The following RIMS2 variants were observed in gnomAD, a reference collection of about 807,000 sequenced individuals.
RIMS2 encodes the protein regulating synaptic membrane exocytosis 2, also known as regulating synaptic membrane exocytosis protein 2.
RIMS2 carries 59 observed loss-of-function variants against 174.4 expected under a neutral mutation model. The ratio of observed to expected loss-of-function variants is 0.34; its 90% CI spans 0.27 to 0.42. The LOEUF is 0.42. Among genes scored for constraint, RIMS2 ranks in the 10% least tolerant of loss-of-function variants. RIMS2 has a pLI of 1.00. For synonymous variants in RIMS2, 606 were observed against 572.5 expected (o/e 1.06, Z -0.84); for missense variants, 1,620 against 1,666.3 (o/e 0.97, Z 0.48).
At chr8:103,913,205 C>G (rs1045504356) in intron 6 of RIMS2, among the ~76,000 whole-genome samples, 3 of 151,142 alleles carry the variant, frequency 2.0e-5, no homozygotes, top group Non-Finnish European at 2.9e-5. Flanking sequence ...ATCTTGATCT[C>G]TTGACCTTGT....
chr8:104,040,342 A>T (rs1490511290), intron 19 of RIMS2, among the ~76,000 whole-genome samples: 1 of 151,636 alleles, frequency 6.6e-6, no homozygotes, highest in Non-Finnish European at 1.5e-5. Flanking sequence ...GTTTTGTGGC[A>T]TATTGTTCAT....
chr8:103,720,841 C>CT (rs1482395617), intron 2 of RIMS2, among the ~76,000 whole-genome samples: 1 of 152,144 alleles, frequency 6.6e-6, no homozygotes, highest in Non-Finnish European at 1.5e-5. Flanking sequence ...ATTATACATT[C>CT]TAAGTTTAGA....
intron 2 of RIMS2, among the ~76,000 whole-genome samples, chr8:103,731,226 C>T (rs2097589545): frequency 1.3e-5 from 2 of 152,176 alleles, no homozygotes; most frequent in South Asian, 4.2e-4. Flanking sequence ...AGTGGATGCA[C>T]TGTTCAAGGA....
chr8:103,627,292 C>T (rs1161985052), intron 1 of RIMS2, among the ~76,000 whole-genome samples: 1 of 152,216 alleles, frequency 6.6e-6, no homozygotes, highest in East Asian at 1.9e-4. Context: ...GGCAGTCAGA[C>T]TTTCTGGTTA....
At chr8:104,161,575 C>CT (rs973138030) in intron 19 of RIMS2, among the ~76,000 whole-genome samples, 25 of 152,034 alleles carry the variant, frequency 1.6e-4, no homozygotes, top group Admixed American at 2.0e-4. Context: ...TAAGGGACAA[C>CT]TTTTTTTAGA....
intron 1 of RIMS2, among the ~76,000 whole-genome samples, chr8:103,630,580 C>CAAAAAAAAAAAAAAAAAAAA: frequency 1.1e-5 from 1 of 86,982 alleles, no homozygotes; most frequent in Non-Finnish European, 2.3e-5. Flanking sequence ...AACTCCATCT[C>CAAAAAAAAAAAAAAAAAAAA]AAAAAAAAAA....
At chr8:103,968,114 G>A (rs1286763529) in intron 15 of RIMS2, among the ~76,000 whole-genome samples, 1 of 152,068 alleles carries the variant, frequency 6.6e-6, no homozygotes, top group Non-Finnish European at 1.5e-5. Flanking sequence ...GCCCGCCTTA[G>A]CCTCCCAAAG....
intron 12 of RIMS2, among the ~76,000 whole-genome samples, chr8:103,936,258 T>C (rs1166579283): frequency 1.3e-5 from 2 of 152,134 alleles, no homozygotes; most frequent in Non-Finnish European, 2.9e-5. Context: ...GAGTTAAGAT[T>C]CTCAAGTCTG....
rs112922890 is a variant in RIMS2, at chr8:103,921,002, GCAACAACAACAACAA to G, written c.2084-639_2084-625del. On this transcript the variant is annotated intron_variant, in intron 9 of 23. Coordinates refer to ENST00000504942, the Ensembl canonical transcript of RIMS2. The stretch of plus-strand genomic sequence containing the variant: ...CCACAGAATGAGATTCTGTCTCAAA[GCAACAACAACAACAA>G]CAACAACAACAACAACAACAACAAC... 891 of 197,002 alleles carry G rather than the reference GCAACAACAACAACAA, an allele frequency of 4.5e-3. 14 individuals carry two copies. The highest frequency in any genetic ancestry group is 0.015 in the African/African-American group (573 of 39,322). The allele number at this position is 197,002 out of a possible 1,614,324, so 12.2% of individuals were successfully genotyped here. A position where few individuals can be genotyped will look rare whatever the true frequency, so the allele number is the denominator to read the frequency against.
intron 19 of RIMS2, among the ~76,000 whole-genome samples, chr8:104,038,725 T>C (rs527833261): frequency 1.8e-3 from 272 of 152,022 alleles, no homozygotes; most frequent in Non-Finnish European, 2.9e-3. Context: ...GAGTTGACTA[T>C]AAGTTTCTCT....
chr8:103,732,936 T>G (rs1591301297), intron 2 of RIMS2, among the ~76,000 whole-genome samples: 2 of 152,150 alleles, frequency 1.3e-5, no homozygotes, highest in African/African-American at 4.8e-5. Context: ...ACACTGTCAC[T>G]GAGCTGGTAC....
intron 1 of RIMS2, among the ~76,000 whole-genome samples, chr8:103,620,247 A>T (rs1380257684): frequency 6.6e-6 from 1 of 152,162 alleles, no homozygotes; most frequent in African/African-American, 2.4e-5. Flanking sequence ...TTTTCCTCTG[A>T]CACCAAAGAT....
At chr8:104,054,687 C>G (rs979813850) in intron 19 of RIMS2, among the ~76,000 whole-genome samples, 1 of 152,078 alleles carries the variant, frequency 6.6e-6, no homozygotes, top group Non-Finnish European at 1.5e-5. Context: ...TCCTTCTTAT[C>G]TGTTCTTATA....
chr8:103,876,864 T>TTTTATATATATATATA (rs1378279723), intron 3 of RIMS2, among the ~76,000 whole-genome samples: 23 of 68,056 alleles, frequency 3.4e-4, no homozygotes, highest in Admixed American at 4.0e-4. Context: ...ACACACTATT[T>TTTTATATATATATATA]TATATATATA....
chr8:103,559,499 A>G, intron 1 of RIMS2: 1 of 279,704 alleles, frequency 3.6e-6, no homozygotes, highest in Non-Finnish European at 6.7e-6. Context: ...GGCTGCTGTG[A>G]GAAGGGAGCA....
chr8:104,100,937 A>C (rs1465454936), intron 19 of RIMS2, among the ~76,000 whole-genome samples: 2 of 108,618 alleles, frequency 1.8e-5, no homozygotes, highest in Admixed American at 2.2e-4. Context: ...GTGATATATT[A>C]TATATTATAT....
chr8:103,708,772 TG>T (rs967514956), intron 2 of RIMS2, among the ~76,000 whole-genome samples: 20 of 152,290 alleles, frequency 1.3e-4, no homozygotes, highest in East Asian at 3.8e-4. Context: ...GCAATTAAAT[TG>T]TTTTTTTGGT....
intron 3 of RIMS2, among the ~76,000 whole-genome samples, chr8:103,826,416 G>A (rs1351728946): frequency 2.0e-5 from 3 of 151,576 alleles, no homozygotes; most frequent in Non-Finnish European, 4.4e-5. Flanking sequence ...GTGTGAGGTA[G>A]GGGTCAAGAT....
intron 19 of RIMS2, among the ~76,000 whole-genome samples, chr8:104,207,928 T>A (rs2441911): frequency 5.3e-5 from 8 of 151,386 alleles, no homozygotes; most frequent in Admixed American, 5.3e-4. Context: ...GCAAGTGTAG[T>A]TTTTTATTTA....
Sources: gnomAD v4.1 joint callset for allele counts (sites outside exome capture counted in the v4.1 genomes callset) on GRCh38, gnomAD v4.1.1 for gene constraint, MANE v1.5 for transcripts, NCBI Gene and HGNC (gene_info 2026-07-23, HGNC 2026-07-21) for gene names.